Variants in NADK2 observed in about 807,000 individuals in gnomAD.
NADK2 encodes the protein NAD kinase domain-containing protein 1, mitochondrial.
Under a neutral mutation model 62.1 loss-of-function variants are expected in NADK2, and 35 were observed. That is an observed-to-expected ratio of 0.56 (90% confidence interval 0.43 to 0.75). NADK2 has a LOEUF of 0.75. Ranked by LOEUF, NADK2 falls within the 30% of genes least tolerant of loss-of-function variation. NADK2 has a pLI of 0.00. For missense variants in NADK2, 439 were observed against 561.3 expected, an observed-to-expected ratio of 0.78 and a Z score of 2.20; for synonymous variants, 205 against 207.9, an observed-to-expected ratio of 0.99 and a Z score of 0.12.
Position 36,241,823 on chromosome 5 carries a change from C to A in NADK2, c.-25G>T. 1 of 1,283,144 alleles carries A rather than the reference C, an allele frequency of 7.8e-7. No homozygotes were observed. The highest frequency in any genetic ancestry group is 9.8e-7 in the Non-Finnish European group (1 of 1,015,520). The allele number at this position is 1,283,144 out of a possible 1,614,324, so 79.5% of individuals were successfully genotyped here. A position where few individuals can be genotyped will look rare whatever the true frequency, so the allele number is the denominator to read the frequency against. On this transcript the variant is annotated 5_prime_UTR_variant, in exon 1 of 12. Coordinates refer to ENST00000381937, the MANE Select transcript of NADK2 (RefSeq NM_001085411.3). The surrounding 1 kb of genome is among the most constrained non-coding windows in gnomAD (Gnocchi z 4.9). ...TCGTGGGCCGGGCCGCGGCCGCGGG[C>A]TTGGGCTCGGGCCCCTTGCCTCAGC...
intron 8 of NADK2, among the ~76,000 whole-genome samples, chr5:36,204,035 T>A (rs1746544732): frequency 1.3e-5 from 2 of 152,156 alleles, no homozygotes; most frequent in African/African-American, 2.4e-5. Context: ...AGGTTCTGAC[T>A]CTTACTTCTT....
chr5:36,207,086 T>A (rs1746668037), intron 8 of NADK2, 84 bp downstream of exon 8: 1 of 1,051,842 alleles, frequency 9.5e-7, no homozygotes, highest in African/African-American at 1.6e-5. Flanking sequence ...ACCTCTTGCA[T>A]ATTACAGGCC....
At chr5:36,206,311 T>TA (rs11397432) in intron 8 of NADK2, among the ~76,000 whole-genome samples, 128,040 of 144,594 alleles carry the variant, frequency 0.89, 57,638 homozygotes, top group Non-Finnish European at 0.97. Context: ...TTTTTAAAGT[T>TA]AAAAAAAAAA....
chr5:36,238,644 C>T (rs553921372), intron 1 of NADK2, among the ~76,000 whole-genome samples: 1 of 152,242 alleles, frequency 6.6e-6, no homozygotes, highest in Non-Finnish European at 1.5e-5. Flanking sequence ...ATAGCAATTG[C>T]ACATTTGCCA....
rs140059499 is a variant in NADK2 at position 36,210,549 on chromosome 5, GA to G, written c.860+1294del. Among the ~76,000 whole-genome samples, 1,856 of 151,768 alleles carry G rather than the reference GA, an allele frequency of 0.012. 156 individuals are homozygous for G. In the East Asian group the frequency reaches 0.21, roughly 17 times the overall value. Reference sequence around the variant, plus strand: ...AAAATGCCTAGTCCGAATCTAACATGAAAAAAAATCATACAAATTTAAAATA... The same window carrying G: ...AAAATGCCTAGTCCGAATCTAACATGAAAAAAATCATACAAATTTAAAATA... On this transcript the variant is annotated intron_variant, in intron 7 of 11. Coordinates refer to ENST00000381937, the MANE Select transcript of NADK2 (RefSeq NM_001085411.3).
chr5:36,231,900 T>C (rs1747722745), intron 1 of NADK2, among the ~76,000 whole-genome samples: 1 of 151,950 alleles, frequency 6.6e-6, no homozygotes, highest in Non-Finnish European at 1.5e-5. Flanking sequence ...TTTAATATTT[T>C]CCCCAAAAAC....
intron 1 of NADK2, among the ~76,000 whole-genome samples, chr5:36,237,774 G>C (rs1043535936): frequency 4.6e-5 from 7 of 152,156 alleles, no homozygotes; most frequent in African/African-American, 1.7e-4. Flanking sequence ...AGTTTAACTG[G>C]GGACCACATG....
intron 4 of NADK2, among the ~76,000 whole-genome samples, chr5:36,222,285 G>A (rs1490396977): frequency 2.6e-5 from 4 of 152,072 alleles, no homozygotes; most frequent in Non-Finnish European, 5.9e-5. Flanking sequence ...GCCTTCTGGA[G>A]AACTCTTTCA....
chr5:36,199,069 GA>G (rs1746343269), intron 10 of NADK2, among the ~76,000 whole-genome samples: 2 of 151,706 alleles, frequency 1.3e-5, no homozygotes, highest in Admixed American at 1.3e-4. Flanking sequence ...GGGGTGGGGG[GA>G]GGAATAGCAT....
chr5:36,216,990 C>T (rs1747068586), intron 6 of NADK2, among the ~76,000 whole-genome samples: 1 of 151,872 alleles, frequency 6.6e-6, no homozygotes, highest in South Asian at 2.1e-4. Flanking sequence ...ACATGCTAAC[C>T]TATTAAGCTA....
intron 1 of NADK2, among the ~76,000 whole-genome samples, chr5:36,238,315 T>A (rs1747983107): frequency 6.6e-6 from 1 of 152,112 alleles, no homozygotes; most frequent in Non-Finnish European, 1.5e-5. Flanking sequence ...TTTAATCCAA[T>A]AACACGGCAG....
chr5:36,227,687 C>A, intron 1 of NADK2, 122 bp from the exon 2 acceptor site: 1 of 437,558 alleles, frequency 2.3e-6, no homozygotes, highest in Non-Finnish European at 3.8e-6. Context: ...TAATAACTAC[C>A]TGTGAAACCT....
chr5:36,210,747 AAAC>A (rs1364667269), intron 7 of NADK2, among the ~76,000 whole-genome samples: 11 of 152,362 alleles, frequency 7.2e-5, no homozygotes, highest in African/African-American at 2.6e-4. Context: ...CAAATTATAA[AAAC>A]AAGCAAGCAA....
At chr5:36,211,366 G>A (rs905698249) in intron 7 of NADK2, among the ~76,000 whole-genome samples, 3 of 151,886 alleles carry the variant, frequency 2.0e-5, no homozygotes, top group East Asian at 3.9e-4. Flanking sequence ...CTGACTTCCC[G>A]CAACAATGGT....
intron 8 of NADK2, among the ~76,000 whole-genome samples, chr5:36,203,324 T>A (rs1746514763): frequency 2.0e-5 from 3 of 152,090 alleles, no homozygotes; most frequent in Admixed American, 2.0e-4. Flanking sequence ...TATAGAAATA[T>A]ACAGCTTTTC....
intron 7 of NADK2, among the ~76,000 whole-genome samples, chr5:36,209,022 C>CA (rs1341282910): frequency 6.6e-6 from 1 of 152,124 alleles, no homozygotes; most frequent in African/African-American, 2.4e-5. Context: ...ACAATATACG[C>CA]AGTGCCTGAC....
intron 6 of NADK2, among the ~76,000 whole-genome samples, chr5:36,216,868 T>C (rs1747063460): frequency 6.6e-6 from 1 of 152,148 alleles, no homozygotes; most frequent in East Asian, 1.9e-4. Flanking sequence ...TTGCAGACTT[T>C]CAAAAACAGT....
chr5:36,238,993 C>A (rs1748008509), intron 1 of NADK2, among the ~76,000 whole-genome samples: 1 of 152,030 alleles, frequency 6.6e-6, no homozygotes, highest in Non-Finnish European at 1.5e-5. Context: ...GCACTCTATC[C>A]TTCATCTTCC....
At chr5:36,234,245 C>A (rs1055433328) in intron 1 of NADK2, among the ~76,000 whole-genome samples, 1 of 150,940 alleles carries the variant, frequency 6.6e-6, no homozygotes, top group Admixed American at 6.6e-5. Flanking sequence ...TGGTGGCGCG[C>A]GCCTGTAGTC....
Sources: allele counts gnomAD v4.1 joint callset (sites outside exome capture counted in the v4.1 genomes callset), GRCh38; gene constraint gnomAD v4.1.1; non-coding constraint Gnocchi (gnomAD v3.1); transcripts MANE v1.5; gene names NCBI Gene and HGNC (gene_info 2026-07-23, HGNC 2026-07-21).